Variants in CUX1 observed in about 807,000 individuals in gnomAD.
CUX1 encodes the protein protein CASP.
In CUX1, 31 loss-of-function variants were observed where a neutral mutation model predicts 158.8. The observed-to-expected ratio is 0.20, with a 90% CI of 0.15 to 0.26. The LOEUF (loss-of-function observed/expected upper bound fraction) is 0.26, where lower values mean the gene tolerates loss of function less well. Among genes scored for constraint, CUX1 ranks in the 10% least tolerant of loss-of-function variants. CUX1 has a pLI of 1.00. For missense variants in CUX1, 1,589 were observed against 2,014.6 expected (o/e 0.79, Z 4.04); for synonymous variants, 879 against 862.1 (o/e 1.02, Z -0.34).
At chr7:101,908,981 C>T (rs1803085248) in intron 1 of CUX1, among the ~76,000 whole-genome samples, 1 of 152,170 alleles carries the variant, frequency 6.6e-6, no homozygotes, top group Non-Finnish European at 1.5e-5. Context: ...ATGAGCAAAT[C>T]CAGGCTGTAA....
At chr7:101,957,549 C>T (rs895793007) in intron 2 of CUX1, among the ~76,000 whole-genome samples, 6 of 152,118 alleles carry the variant, frequency 3.9e-5, no homozygotes, top group Admixed American at 6.5e-5. Flanking sequence ...GGTGAAACAC[C>T]GTCTCTACTA....
At chr7:101,845,302 T>G (rs975402197) in intron 1 of CUX1, among the ~76,000 whole-genome samples, 1 of 152,178 alleles carries the variant, frequency 6.6e-6, no homozygotes, top group Non-Finnish European at 1.5e-5. Flanking sequence ...CTGTATCTCT[T>G]AACATTAGCC....
chr7:102,235,701 C>CAAAAA (rs781946936), intron 22 of CUX1, among the ~76,000 whole-genome samples: 2 of 88,676 alleles, frequency 2.3e-5, no homozygotes, highest in South Asian at 6.8e-4. Context: ...GACCCCATCT[C>CAAAAA]AAAAAAAAAA....
At chr7:102,264,230 T>A (rs1554544629) in intron 14 of CUX1, among the ~76,000 whole-genome samples, 1 of 151,898 alleles carries the variant, frequency 6.6e-6, no homozygotes, top group Non-Finnish European at 1.5e-5. Context: ...GGTCTCGAAC[T>A]CCTGACCTCA....
chr7:101,817,595 TCGGCGCCCG>T (rs1201810023), upstream of CUX1: 8 of 1,532,612 alleles, frequency 5.2e-6, no homozygotes, highest in Non-Finnish European at 6.1e-6. This position sits in a 1 kb window ranked among gnomAD's most constrained non-coding sequence, Gnocchi z 4.1. Context: ...ACGTGCCAGC[TCGGCGCCCG>T]CGGCGCCGGG....
intron 6 of CUX1, among the ~76,000 whole-genome samples, chr7:102,106,661 A>G (rs1381874372): frequency 6.6e-6 from 1 of 152,188 alleles, no homozygotes; most frequent in East Asian, 1.9e-4. Flanking sequence ...ATCTGAGTAC[A>G]GATTATGAGT....
Position 101,895,177 on chromosome 7 carries a change from C to A in CUX1, c.31-20938C>A, listed in dbSNP as rs574812943. 2.6e-5 allele frequency among the ~76,000 whole-genome samples: 4 copies of A among 152,176 alleles called. No homozygotes were observed. In the South Asian group the frequency reaches 8.3e-4, roughly 32 times the overall value. ...CTGGGATTACAGGCATGCACCACCA[C>A]GCCTGGCTAATTTTTGTATTTTTAG... is the stretch of plus-strand genomic sequence containing the variant. On this transcript the variant is annotated intron_variant, in intron 1 of 23. Transcript: ENST00000292535.
chr7:102,133,541 T>C (rs533613938), intron 8 of CUX1, among the ~76,000 whole-genome samples: 9 of 143,518 alleles, frequency 6.3e-5, no homozygotes, highest in Non-Finnish European at 9.0e-5. Context: ...AGTGATGCAA[T>C]TGTGGCTCTC....
intron 9 of CUX1, 149 bp from the exon 10 acceptor site, chr7:102,170,297 C>T (rs1285644141): frequency 4.9e-6 from 3 of 613,182 alleles, no homozygotes; most frequent in Non-Finnish European, 5.8e-6. Flanking sequence ...CCATCACATT[C>T]TGTGTTTTTT....
At chr7:101,959,272 T>TGC (rs1328596256) in intron 2 of CUX1, 3 of 145,580 alleles carry the variant, frequency 2.1e-5, no homozygotes, top group Non-Finnish European at 3.0e-5. Context: ...TGTGTGTGTG[T>TGC]GTGCAAGAGA....
At chr7:102,106,767 G>A (rs549339909) in intron 6 of CUX1, among the ~76,000 whole-genome samples, 16 of 152,114 alleles carry the variant, frequency 1.1e-4, no homozygotes, top group Admixed American at 2.0e-4. Context: ...GAGCTGTAAC[G>A]CTGCCACCTC....
chr7:101,835,778 C>T (rs1199118775), intron 1 of CUX1, among the ~76,000 whole-genome samples: 1 of 152,122 alleles, frequency 6.6e-6, no homozygotes, highest in Non-Finnish European at 1.5e-5. Context: ...TGTTGTTGCC[C>T]AGGCTGGAGT....
In CUX1 at chr7:102,193,863, T is replaced by A. The variant is rs1794524336; in HGVS notation, c.1098T>A (p.Phe366Leu). 6.2e-7 allele frequency: 1 copy of A among 1,613,930 alleles called. No homozygotes were observed. The highest frequency in any genetic ancestry group is 8.5e-7 in the Non-Finnish European group (1 of 1,180,008). The change falls in exon 13 of 24, where the codon TTT (phenylalanine) becomes TTA (leucine). Residue 366 changes from phenylalanine to leucine, a missense_variant. Around this residue, in one of 8 missense-constraint regions of CUX1, gnomAD observed 515 missense variants for 574.4 expected, o/e 0.90. Transcript: ENST00000292535. The part of the protein sequence containing the change: ...KELNILKSME[F>L]APSEGAGTQD... The stretch of plus-strand genomic sequence containing the variant: ...GCAGCATTCTGAAGTCCATGGAGTT[T>A]GCACCGTCCGAGGGCGCTGGGACAC...
chr7:102,241,282 A>G (rs147351527), intron 23 of CUX1, among the ~76,000 whole-genome samples: 14 of 152,242 alleles, frequency 9.2e-5, no homozygotes, highest in African/African-American at 3.1e-4. Flanking sequence ...AGCTATAACC[A>G]TACTCTCTGC....
Position 101,925,652 on chromosome 7 carries a change from C to A in CUX1, c.141+9427C>A, listed in dbSNP as rs147524200. On this transcript the variant is annotated intron_variant, in intron 2 of 23. Coordinates refer to ENST00000292535, the MANE Select transcript of CUX1 (RefSeq NM_181552.4). ...GCTGTTATTTAAAAAAAAAATTCAG[C>A]CAGGTGCAGTAGCTCACGCTTATAA... is the stretch of plus-strand genomic sequence containing the variant. Among the ~76,000 whole-genome samples the A allele has an allele frequency of 8.5e-5, 13 of 152,174 alleles. No individual in the cohort carries two copies. The East Asian group carries it at 2.1e-3, about 25-fold the overall frequency.
At position 102,205,864 on chromosome 7, in the gene CUX1, C is replaced by T. The variant is rs1017782794; in HGVS notation, c.3130+694C>T. 4.6e-5 allele frequency among the ~76,000 whole-genome samples: 7 copies of T among 152,264 alleles called. No homozygotes were observed. In the East Asian group the frequency reaches 1.4e-3, roughly 29 times the overall value. On this transcript the variant is annotated intron_variant, in intron 20 of 23. Transcript: ENST00000292535. ...CCGAGGCTGACCCATGGCCACGGCT[C>T]CCAGGCTCTCGTCTGCGCCCCCCCG...
At chr7:102,169,601 T>A (rs188209929) in intron 9 of CUX1, among the ~76,000 whole-genome samples, 19 of 152,334 alleles carry the variant, frequency 1.2e-4, no homozygotes, top group African/African-American at 4.1e-4. Context: ...GTGTTCCCAT[T>A]TTCCAGACGG....
chr7:101,908,450 T>TTTTGTTTGTTTGTTTGTTTG (rs59267502), intron 1 of CUX1, among the ~76,000 whole-genome samples: 1 of 150,176 alleles, frequency 6.7e-6, no homozygotes, highest in Non-Finnish European at 1.5e-5. Flanking sequence ...CCAGCCTGTT[T>TTTTGTTTGTTTGTTTGTTTG]TTTGTTTGTT....
intron 2 of CUX1, among the ~76,000 whole-genome samples, chr7:101,931,466 T>G (rs1020961623): frequency 4.6e-5 from 7 of 152,166 alleles, no homozygotes; most frequent in African/African-American, 1.7e-4. Context: ...ACTCACAGGA[T>G]CCCTACGAAA....
Sources: allele counts gnomAD v4.1 joint callset (sites outside exome capture counted in the v4.1 genomes callset), GRCh38; gene constraint gnomAD v4.1.1; regional missense constraint gnomAD v4.1.1; non-coding constraint Gnocchi (gnomAD v3.1); transcripts MANE v1.5; gene names NCBI Gene and HGNC (gene_info 2026-07-23, HGNC 2026-07-21).